SNTB2: variants seen among roughly 807,000 people sequenced by gnomAD.
SNTB2 encodes beta-2-syntrophin.
SNTB2 carries 34 observed loss-of-function variants against 46.2 expected under a neutral mutation model. The observed-to-expected ratio is 0.74, with a 90% confidence interval of 0.56 to 0.98. The LOEUF (loss-of-function observed/expected upper bound fraction) is 0.98. SNTB2 is among the 50% of genes least tolerant of loss of function. The pLI is 0.00. For synonymous variants in SNTB2, 290 were observed against 312.6 expected (o/e 0.93, Z 0.76); for missense variants, 603 against 731.4 (o/e 0.82, Z 2.02).
rs948558586 is a variant in SNTB2 at position 69,230,990 on chromosome 16, G to C, written c.581-14612G>C. 6 of 145,732 alleles carry C rather than the reference G, an allele frequency of 4.1e-5. No homozygotes were observed. The South Asian group carries it at 1.3e-3, about 33-fold the overall frequency. The allele number at this position is 145,732 out of a possible 1,614,324, so 9.0% of individuals were successfully genotyped here. A position where few individuals can be genotyped will look rare whatever the true frequency, so the allele number is the denominator to read the frequency against. On this transcript the variant is annotated intron_variant, in intron 1 of 6. Coordinates refer to ENST00000336278, the MANE Select transcript of SNTB2 (RefSeq NM_006750.4). ...CATCTCCTGACCTCGTGATCCGCCCGCCTCGGCCTCCCAAAGTGCTGGGAT... is the reference window on the plus strand; with the variant it reads ...CATCTCCTGACCTCGTGATCCGCCCCCCTCGGCCTCCCAAAGTGCTGGGAT...
At chr16:69,219,713 A>ATTTTGTTTTG (rs1258676945) in intron 1 of SNTB2, among the ~76,000 whole-genome samples, 1 of 148,416 alleles carries the variant, frequency 6.7e-6, no homozygotes, top group Non-Finnish European at 1.5e-5. Flanking sequence ...ACCAGATTTT[A>ATTTTGTTTTG]TTTTATTTTG....
chr16:69,272,976 AG>A (rs1964953049), intron 4 of SNTB2, among the ~76,000 whole-genome samples: 1 of 152,110 alleles, frequency 6.6e-6, no homozygotes, highest in East Asian at 1.9e-4. Context: ...TAGGAACATG[AG>A]AAGATGTTCA....
intron 1 of SNTB2, among the ~76,000 whole-genome samples, chr16:69,238,397 T>A (rs557051089): frequency 6.6e-6 from 1 of 152,324 alleles, no homozygotes; most frequent in African/African-American, 2.4e-5. Context: ...TATTTTTCCA[T>A]GTGGTTTCCC....
intron 3 of SNTB2, among the ~76,000 whole-genome samples, chr16:69,265,430 C>T (rs570032831): frequency 6.6e-6 from 1 of 152,102 alleles, no homozygotes; most frequent in East Asian, 1.9e-4. Context: ...AAATAAAGAA[C>T]CAGAAGTACA....
At chr16:69,286,091 G>A (rs962286382) in intron 5 of SNTB2, among the ~76,000 whole-genome samples, 3 of 151,920 alleles carry the variant, frequency 2.0e-5, no homozygotes, top group African/African-American at 7.2e-5. Flanking sequence ...GATTACAGGT[G>A]TGAGCCACCA....
At chr16:69,203,317 G>A (rs1292214306) in intron 1 of SNTB2, among the ~76,000 whole-genome samples, 3 of 151,514 alleles carry the variant, frequency 2.0e-5, no homozygotes, top group African/African-American at 2.4e-5. Context: ...TGCGCCCAGC[G>A]TTTTTGTTAT....
At chr16:69,188,055 T>G (rs903554954) in intron 1 of SNTB2, among the ~76,000 whole-genome samples, 1 of 150,418 alleles carries the variant, frequency 6.6e-6, no homozygotes, top group Non-Finnish European at 1.5e-5. Flanking sequence ...ACGGCTCGAG[T>G]GGGTCTGTCT....
rs530632198 is a variant in SNTB2 at position 69,284,545 on chromosome 16, A to G, written c.1345+301A>G. Among the ~76,000 whole-genome samples, 4 of 144,796 alleles carry G rather than the reference A, an allele frequency of 2.8e-5. No homozygotes were observed. The East Asian group carries it at 8.8e-4, about 32-fold the overall frequency. 95.0% of individuals were successfully genotyped at this position (144,796 alleles called of 152,430 possible). On this transcript the variant is annotated intron_variant, in intron 5 of 6. Transcript: ENST00000336278. ...TCCCAGAGCTTTGGGAGGCCGAGGC[A>G]GGTGGATTGCCTGAGCTCAGGAGTT... is the stretch of plus-strand genomic sequence containing the variant.
Position 69,245,729 on chromosome 16 carries a change from C to T in SNTB2, c.708C>T (p.His236=). ...SGSEDSGSPK[H]QNSTKDRKII... ...GTGAGGACTCTGGTTCGCCAAAACA[C>T]CAGAACAGCACCAAGGACAGGAAGA... is the stretch of plus-strand genomic sequence containing the variant. Residue 236 remains histidine, a synonymous_variant, in exon 2 of 7, where the codon CAC becomes CAT. Coordinates refer to ENST00000336278, the MANE Select transcript of SNTB2 (RefSeq NM_006750.4). 1 of 1,614,098 alleles carries T rather than the reference C, an allele frequency of 6.2e-7. No homozygotes were observed. The highest frequency in any genetic ancestry group is 8.5e-7 in the Non-Finnish European group (1 of 1,180,030).
chr16:69,280,991 G>T (rs917662788), intron 4 of SNTB2, among the ~76,000 whole-genome samples: 5 of 151,980 alleles, frequency 3.3e-5, no homozygotes, highest in African/African-American at 1.2e-4. Flanking sequence ...TAGAGACAGG[G>T]TTTCACCGTG....
At position 69,245,657 on chromosome 16, in the gene SNTB2, T is replaced by C. The variant is rs757525700; in HGVS notation, c.636T>C (p.Asp212=). The C allele has an allele frequency of 8.1e-6, 13 of 1,614,132 alleles. No homozygotes were observed. The highest frequency in any genetic ancestry group is 1.1e-5 in the Non-Finnish European group (13 of 1,180,018). Residue 212 remains aspartate, a synonymous_variant, in exon 2 of 7, where the codon GAT becomes GAC. Transcript: ENST00000336278. ...TCAAGAAGCCATCATTAGTATCAGA[T>C]CTGCCGTGGGAAGGTGCAGCCCCCC... The part of the protein sequence containing the change: ...PYIKKPSLVS[D]LPWEGAAPQS...
chr16:69,256,827 T>C (rs1964781259), intron 2 of SNTB2, among the ~76,000 whole-genome samples: 1 of 152,196 alleles, frequency 6.6e-6, no homozygotes, highest in Non-Finnish European at 1.5e-5. Flanking sequence ...ATTGTTTTGA[T>C]CATGTTGCCC....
intron 1 of SNTB2, among the ~76,000 whole-genome samples, chr16:69,199,652 A>G (rs1964141056): frequency 6.6e-6 from 1 of 151,080 alleles, no homozygotes; most frequent in South Asian, 2.1e-4. Context: ...TCACTTAGCA[A>G]AGAGAGAAAT....
intron 1 of SNTB2, among the ~76,000 whole-genome samples, chr16:69,227,590 A>G (rs972577311): frequency 6.6e-6 from 1 of 152,232 alleles, no homozygotes; most frequent in South Asian, 2.1e-4. Context: ...TTAAAAAACT[A>G]TGAATAAACT....
intron 1 of SNTB2, among the ~76,000 whole-genome samples, chr16:69,207,670 C>A (rs1284405558): frequency 6.6e-6 from 1 of 152,136 alleles, no homozygotes; most frequent in Non-Finnish European, 1.5e-5. Flanking sequence ...GCTGACAATA[C>A]TTTTGTTAGC....
intron 4 of SNTB2, among the ~76,000 whole-genome samples, chr16:69,277,334 T>G (rs572833320): frequency 1.3e-5 from 2 of 152,234 alleles, no homozygotes; most frequent in South Asian, 4.1e-4. Flanking sequence ...TAATACCAAA[T>G]GAGATTTTTT....
chr16:69,255,957 G>A (rs1271676499), intron 2 of SNTB2, among the ~76,000 whole-genome samples: 1 of 152,006 alleles, frequency 6.6e-6, no homozygotes, highest in Non-Finnish European at 1.5e-5. Context: ...GGAAGCTGAG[G>A]CGGGCGGATC....
intron 5 of SNTB2, among the ~76,000 whole-genome samples, chr16:69,298,696 A>G (rs906838158): frequency 6.6e-6 from 1 of 150,852 alleles, no homozygotes; most frequent in East Asian, 1.9e-4. Flanking sequence ...TAATTTTTGT[A>G]TTTTTAGTAG....
chr16:69,286,912 T>C (rs1462429684), intron 5 of SNTB2, among the ~76,000 whole-genome samples: 1 of 152,168 alleles, frequency 6.6e-6, no homozygotes, highest in African/African-American at 2.4e-5. Context: ...AGGACTCATT[T>C]ACCAAGTACT....
Sources: allele counts gnomAD v4.1 joint callset (sites outside exome capture counted in the v4.1 genomes callset), GRCh38; gene constraint gnomAD v4.1.1; transcripts MANE v1.5; gene names NCBI Gene and HGNC (gene_info 2026-07-23, HGNC 2026-07-21).